The following NCALD variants were observed in gnomAD, a reference collection of about 807,000 sequenced individuals.
The protein encoded by NCALD is neurocalcin delta.
Under a neutral mutation model 18.6 loss-of-function variants are expected in NCALD, and 10 were observed. The ratio of observed to expected loss-of-function variants is 0.54; its 90% confidence interval spans 0.33 to 0.91. NCALD has a LOEUF of 0.91. Ranked by LOEUF, NCALD falls within the 40% of genes least tolerant of loss-of-function variation. NCALD has a pLI of 0.03. For missense variants in NCALD, 184 were observed against 247.6 expected (o/e 0.74, Z 1.72); for synonymous variants, 88 against 87.4 (o/e 1.01, Z -0.04).
At chr8:101,694,802 G>A (rs1022851738) in intron 2 of NCALD, among the ~76,000 whole-genome samples, 28 of 152,110 alleles carry the variant, frequency 1.8e-4, no homozygotes, top group East Asian at 1.9e-4. Flanking sequence ...CCTCACTGCC[G>A]GGGACACGTA....
chr8:102,081,136 C>G (rs1285701204), intron 1 of NCALD, among the ~76,000 whole-genome samples: 1 of 152,120 alleles, frequency 6.6e-6, no homozygotes, highest in Non-Finnish European at 1.5e-5. Context: ...AGAACAGAAG[C>G]AATAAAAGGG....
intron 2 of NCALD, among the ~76,000 whole-genome samples, chr8:101,711,962 A>G (rs1586272381): frequency 6.6e-6 from 1 of 152,310 alleles, no homozygotes; most frequent in Middle Eastern, 3.4e-3. Flanking sequence ...CCCAAGGCAC[A>G]TAATCGTCAG....
chr8:102,122,540 G>T (rs758590005), intron 1 of NCALD, among the ~76,000 whole-genome samples: 1 of 152,200 alleles, frequency 6.6e-6, no homozygotes, highest in Non-Finnish European at 1.5e-5. Flanking sequence ...GGAACTGAGA[G>T]AAGAGGGCGT....
At chr8:101,767,459 C>A (rs1473378124) in intron 1 of NCALD, among the ~76,000 whole-genome samples, 1 of 152,138 alleles carries the variant, frequency 6.6e-6, no homozygotes, top group Non-Finnish European at 1.5e-5. Context: ...GAAGCTGAAG[C>A]CACATTCTGG....
chr8:102,010,470 T>C (rs1821869003), intron 2 of NCALD, among the ~76,000 whole-genome samples: 1 of 152,248 alleles, frequency 6.6e-6, no homozygotes, highest in South Asian at 2.1e-4. Flanking sequence ...TTTTATTCTC[T>C]AGTTTTCACT....
intron 1 of NCALD, among the ~76,000 whole-genome samples, chr8:102,097,421 G>A (rs188773844): frequency 8.5e-4 from 129 of 152,278 alleles, no homozygotes; most frequent in African/African-American, 2.9e-3. Context: ...TTCCAACCAC[G>A]CGGGTGCTTA....
intron 2 of NCALD, among the ~76,000 whole-genome samples, chr8:101,940,148 T>C: frequency 6.6e-6 from 1 of 152,210 alleles, no homozygotes; most frequent in East Asian, 1.9e-4. Flanking sequence ...TTTGCAATCT[T>C]GAGAAGAGGA....
intron 2 of NCALD, among the ~76,000 whole-genome samples, chr8:101,703,017 G>A (rs1402880710): frequency 6.6e-6 from 1 of 152,188 alleles, no homozygotes; most frequent in Non-Finnish European, 1.5e-5. Context: ...TTCTCAAACT[G>A]GTTTGACCAG....
At chr8:101,745,787 C>A (rs1810402253) in intron 1 of NCALD, 1 of 152,206 alleles carries the variant, frequency 6.6e-6, no homozygotes, top group African/African-American at 2.4e-5. Context: ...TGCACATTAT[C>A]TCATTTAATC....
chr8:101,812,063 C>A (rs1451093638), intron 4 of NCALD, among the ~76,000 whole-genome samples: 1 of 152,144 alleles, frequency 6.6e-6, no homozygotes, highest in Non-Finnish European at 1.5e-5. Context: ...GGAACCTGTC[C>A]TGTTAAACCT....
chr8:102,009,042 G>A (rs1563537388), intron 2 of NCALD, among the ~76,000 whole-genome samples: 1 of 151,596 alleles, frequency 6.6e-6, no homozygotes, highest in Non-Finnish European at 1.5e-5. Context: ...ATAAAAAAGT[G>A]GAGAAGGGTA....
intron 4 of NCALD, among the ~76,000 whole-genome samples, chr8:101,811,483 A>G (rs1334548290): frequency 6.6e-6 from 1 of 152,212 alleles, no homozygotes; most frequent in African/African-American, 2.4e-5. Flanking sequence ...CTAGTACTGT[A>G]ATACACTAAA....
At chr8:101,798,255 C>T (rs1397202330) in intron 4 of NCALD, among the ~76,000 whole-genome samples, 4 of 152,020 alleles carry the variant, frequency 2.6e-5, no homozygotes, top group African/African-American at 7.2e-5. Flanking sequence ...ATATAGGAAA[C>T]CCCAAGGAAT....
At chr8:101,740,692 T>G (rs891164921) in intron 1 of NCALD, among the ~76,000 whole-genome samples, 6 of 152,138 alleles carry the variant, frequency 3.9e-5, no homozygotes, top group Non-Finnish European at 7.4e-5. Context: ...CAAAGTGGTT[T>G]AAAAAAACCC....
chr8:102,014,584 A>T (rs1822017316), intron 2 of NCALD, among the ~76,000 whole-genome samples: 1 of 152,228 alleles, frequency 6.6e-6, no homozygotes, highest in Non-Finnish European at 1.5e-5. Context: ...AGAGCTCAAA[A>T]AAAAAAGTTG....
At chr8:102,100,982 T>C (rs1479852172) in intron 1 of NCALD, among the ~76,000 whole-genome samples, 1 of 150,322 alleles carries the variant, frequency 6.7e-6, no homozygotes, top group Non-Finnish European at 1.5e-5. Flanking sequence ...ATGGTGGTGA[T>C]GGTTGCACAA....
chr8:101,695,301 T>C (rs1009127651), intron 2 of NCALD, among the ~76,000 whole-genome samples: 16 of 152,186 alleles, frequency 1.1e-4, no homozygotes, highest in Non-Finnish European at 1.5e-5. Context: ...GGGGGCTGTG[T>C]ATTTATTCAT....
At chr8:102,026,463 A>G (rs897448998) in intron 1 of NCALD, among the ~76,000 whole-genome samples, 1 of 152,244 alleles carries the variant, frequency 6.6e-6, no homozygotes, top group African/African-American at 2.4e-5. Flanking sequence ...CTAACAAGGC[A>G]GTAATTAAAT....
intron 4 of NCALD, among the ~76,000 whole-genome samples, chr8:101,836,993 A>C (rs1333997721): frequency 2.0e-5 from 3 of 152,118 alleles, no homozygotes; most frequent in Non-Finnish European, 4.4e-5. Flanking sequence ...ATCTATAATA[A>C]ATTTGATTTT....
Sources: allele counts gnomAD v4.1 joint callset (sites outside exome capture counted in the v4.1 genomes callset), GRCh38; gene constraint gnomAD v4.1.1; transcripts MANE v1.5; gene names NCBI Gene and HGNC (gene_info 2026-07-23, HGNC 2026-07-21).